MMD2: variants seen among roughly 807,000 people sequenced by gnomAD.
MMD2 encodes the protein monocyte to macrophage differentiation associated 2, also known as monocyte to macrophage differentiation factor 2.
In MMD2, 30 loss-of-function variants were observed where a neutral mutation model predicts 33.5. That is an observed-to-expected ratio of 0.90 (90% CI 0.67 to 1.22). MMD2 has a LOEUF of 1.22. Among genes scored for constraint, MMD2 ranks in the 50% most tolerant of loss-of-function variants. The probability of loss-of-function intolerance (pLI) is 0.00; values close to 1 mark genes in which losing one functional copy is unlikely to be tolerated. For synonymous variants in MMD2, 129 were observed against 123.0 expected, an observed-to-expected ratio of 1.05 and a Z score of -0.32; for missense variants, 364 against 325.4, an observed-to-expected ratio of 1.12 and a Z score of -0.91.
chr7:4,909,154 C>T (rs989406632), intron 6 of MMD2, among the ~76,000 whole-genome samples: 1 of 151,958 alleles, frequency 6.6e-6, no homozygotes, highest in Non-Finnish European at 1.5e-5. Context: ...GTAGTCCTGG[C>T]CCCCAGATGT....
At chr7:4,938,725 G>C (rs1785820039) in intron 1 of MMD2, among the ~76,000 whole-genome samples, 1 of 152,208 alleles carries the variant, frequency 6.6e-6, no homozygotes, top group Non-Finnish European at 1.5e-5. Flanking sequence ...TAGCAGAGGA[G>C]AGACTGGGGG....
chr7:4,926,775 T>C lies in MMD2; in HGVS notation c.48-1243A>G, dbSNP rs948448853. Among the ~76,000 whole-genome samples the C allele has an allele frequency of 5.9e-5, 9 of 151,830 alleles. No homozygotes were observed. The South Asian group carries it at 6.3e-4, about 11-fold the overall frequency. ...TTTCTTTTTTTTTGAGACGGAGTCG[T>C]GCTCTGTCGCCCAGGCTGGAGTGCA... On this transcript the variant is annotated intron_variant, in intron 1 of 6. Transcript: ENST00000401401.
At chr7:4,934,995 G>A (rs1412345590) in intron 1 of MMD2, among the ~76,000 whole-genome samples, 1 of 152,116 alleles carries the variant, frequency 6.6e-6, no homozygotes, top group African/African-American at 2.4e-5. Context: ...AAGCCAGCCT[G>A]GCCCACATGG....
chr7:4,938,662 G>T (rs1785818426), intron 1 of MMD2, among the ~76,000 whole-genome samples: 1 of 152,124 alleles, frequency 6.6e-6, no homozygotes, highest in African/African-American at 2.4e-5. Flanking sequence ...AGGCCAGGTT[G>T]TCGACTTGGA....
At chr7:4,892,632 A>G in the MMD2 span, among the ~76,000 whole-genome samples, 1 of 150,870 alleles carries the variant, frequency 6.6e-6, no homozygotes, top group African/African-American at 2.5e-5. Context: ...GAAAAAATTA[A>G]TTAATTAAAA....
At chr7:4,895,000 C>T in the MMD2 span, among the ~76,000 whole-genome samples, 1 of 151,990 alleles carries the variant, frequency 6.6e-6, no homozygotes, top group Admixed American at 6.6e-5. This position sits in a 1 kb window ranked among gnomAD's most constrained non-coding sequence, Gnocchi z 4.3. Context: ...CTCATTTAAA[C>T]GTAGTCTCTG....
chr7:4,916,093 G>C lies in MMD2; in HGVS notation c.291-14C>G. 6.2e-7 allele frequency: 1 copy of C among 1,612,988 alleles called. No homozygotes were observed. The highest frequency in any genetic ancestry group is 1.3e-5 in the African/African-American group (1 of 75,040). ...TGTTCCACCATCCTAGGGCGGCAGA[G>C]AAGCCGGCAGTCACAGCCCCTGCAC... is the stretch of plus-strand genomic sequence containing the variant. On this transcript the variant is annotated splice_polypyrimidine_tract_variant and intron_variant, in intron 3 of 6. Coordinates refer to ENST00000401401, the MANE Select transcript of MMD2 (RefSeq NM_198403.4).
chr7:4,920,162 G>A lies in MMD2; in HGVS notation c.290+9C>T, dbSNP rs764445274. 6.3e-5 allele frequency: 98 copies of A among 1,555,282 alleles called. No individual in the cohort carries two copies. The highest frequency in any genetic ancestry group is 1.4e-4 in the South Asian group (12 of 84,262). On this transcript the variant is annotated intron_variant, in intron 3 of 6. Transcript: ENST00000401401. ...TACCCGGCATGGGTCCCCTCTGGGC[G>A]GGAGGCACCTGAGGTGGCTCTTCTT...
In MMD2 at chr7:4,936,989, G is replaced by A. The variant is rs543436185; in HGVS notation, c.48-11457C>T. Among the ~76,000 whole-genome samples the A allele has an allele frequency of 2.2e-4, 33 of 151,680 alleles. 1 individual carries two copies. The East Asian group carries it at 6.3e-3, about 29-fold the overall frequency. On this transcript the variant is annotated intron_variant, in intron 1 of 6. Coordinates refer to ENST00000401401, the MANE Select transcript of MMD2 (RefSeq NM_198403.4). ...GACCTCAAGTGATCCACCTGCCTCG[G>A]CCTCCCAAAGTGTTGGAATTACAGG...
chr7:4,895,398 C>T, the MMD2 span, among the ~76,000 whole-genome samples: 1 of 152,108 alleles, frequency 6.6e-6, no homozygotes, highest in African/African-American at 2.4e-5. Context: ...TTTATGGACA[C>T]AGGCTAGGGG....
intron 3 of MMD2, among the ~76,000 whole-genome samples, chr7:4,918,483 CTTT>C (rs60393757): frequency 0.35 from 45,139 of 130,472 alleles, 7,702 homozygotes; most frequent in African/African-American, 0.52. Flanking sequence ...TTCTTTCTTT[CTTT>C]TTTTTTTTTT....
At chr7:4,896,699 A>G in the MMD2 span, among the ~76,000 whole-genome samples, 21 of 152,124 alleles carry the variant, frequency 1.4e-4, no homozygotes, top group African/African-American at 1.9e-4. Context: ...CTATTTTAGG[A>G]TAATTTATGA....
In MMD2 at chr7:4,923,780, GA is replaced by G. The variant is rs376542159; in HGVS notation, c.129+1670del. On this transcript the variant is annotated intron_variant, in intron 2 of 6. Transcript: ENST00000401401. Reference sequence around the variant, plus strand: ...GATGCACACAGCATGGGACTTCAGAGATGAGCCAGTGAGAACCAGTCTCTGC... The same window carrying G: ...GATGCACACAGCATGGGACTTCAGAGTGAGCCAGTGAGAACCAGTCTCTGC... Among the ~76,000 whole-genome samples the G allele has an allele frequency of 3.5e-3, 527 of 152,294 alleles. 3 individuals are homozygous for G. The highest frequency in any genetic ancestry group is 0.012 in the African/African-American group (487 of 41,570).
At chr7:4,908,092 G>C (rs907208802) in intron 6 of MMD2, among the ~76,000 whole-genome samples, 1 of 151,152 alleles carries the variant, frequency 6.6e-6, no homozygotes, top group Non-Finnish European at 1.5e-5. Flanking sequence ...TTACAGGTGT[G>C]AGCCACCACA....
chr7:4,941,032 G>C (rs904219521), intron 1 of MMD2, among the ~76,000 whole-genome samples: 2 of 152,168 alleles, frequency 1.3e-5, no homozygotes, highest in African/African-American at 4.8e-5. Context: ...CAAGTGAGAA[G>C]GGGCCATGGT....
rs1785884597 is a variant in MMD2, at chr7:4,940,725, G to A, written c.48-15193C>T. 6.6e-6 allele frequency among the ~76,000 whole-genome samples: 1 copy of A among 152,200 alleles called. No homozygotes were observed. Among genetic ancestry groups the A allele is most frequent in the Non-Finnish European group, 1.5e-5 (1 of 68,038 alleles). ...AAAATCCTGGGGCAGACAGTGATGGGAACAGGAAGGGGAAACTGAGCAAGG... is the reference window on the plus strand; with the variant it reads ...AAAATCCTGGGGCAGACAGTGATGGAAACAGGAAGGGGAAACTGAGCAAGG... On this transcript the variant is annotated intron_variant, in intron 1 of 6. Coordinates refer to ENST00000401401, the MANE Select transcript of MMD2 (RefSeq NM_198403.4). This position sits in a 1 kb window ranked among gnomAD's most constrained non-coding sequence, Gnocchi z 5.0.
intron 1 of MMD2, among the ~76,000 whole-genome samples, chr7:4,944,765 T>A (rs1241133309): frequency 6.9e-5 from 9 of 130,172 alleles, no homozygotes; most frequent in African/African-American, 2.3e-4. Context: ...TTCTTCTTTT[T>A]TTTTTTTTTT....
chr7:4,926,619 G>A (rs144702972), intron 1 of MMD2, among the ~76,000 whole-genome samples: 1 of 152,146 alleles, frequency 6.6e-6, no homozygotes, highest in African/African-American at 2.4e-5. Context: ...TGTTTCCCCT[G>A]TTCTTGAACT....
intron 1 of MMD2, among the ~76,000 whole-genome samples, chr7:4,951,705 T>C (rs1176897326): frequency 6.6e-6 from 1 of 152,010 alleles, no homozygotes; most frequent in Non-Finnish European, 1.5e-5. Context: ...GCTCAGGTGA[T>C]CCTCCCATCT....
Sources: allele counts gnomAD v4.1 joint callset (sites outside exome capture counted in the v4.1 genomes callset), GRCh38; gene constraint gnomAD v4.1.1; non-coding constraint Gnocchi (gnomAD v3.1); transcripts MANE v1.5; gene names NCBI Gene and HGNC (gene_info 2026-07-23, HGNC 2026-07-21).